The following RASA2 variants were observed in gnomAD, a reference collection of about 807,000 sequenced individuals.
RASA2 encodes ras GTPase-activating protein 2.
Under a neutral mutation model 118.2 loss-of-function variants are expected in RASA2, and 155 were observed. The ratio of observed to expected loss-of-function variants is 1.31; its 90% CI spans 1.15 to 1.50. The LOEUF (loss-of-function observed/expected upper bound fraction) is 1.50. Among genes scored for constraint, RASA2 ranks in the 40% most tolerant of loss-of-function variants. RASA2 has a pLI of 0.00. For synonymous variants in RASA2, 353 were observed against 349.1 expected, an observed-to-expected ratio of 1.01 and a Z score of -0.12; for missense variants, 1,016 against 1,009.6, an observed-to-expected ratio of 1.01 and a Z score of -0.09.
chr3:141,563,608 A>G (rs1322378118), intron 9 of RASA2, among the ~76,000 whole-genome samples: 21 of 152,314 alleles, frequency 1.4e-4, no homozygotes, highest in Admixed American at 1.3e-3. Context: ...TACTTTACTT[A>G]TAATAACTTT....
chr3:141,532,228 C>A (rs868567008), intron 4 of RASA2, among the ~76,000 whole-genome samples: 5 of 152,002 alleles, frequency 3.3e-5, no homozygotes, highest in Admixed American at 6.6e-5. Flanking sequence ...AGTAGTGGAG[C>A]CTTGATTCCA....
intron 5 of RASA2, 114 bp downstream of exon 5, chr3:141,540,723 C>A: frequency 1.6e-5 from 13 of 811,438 alleles, no homozygotes; most frequent in Non-Finnish European, 2.6e-5. Context: ...AAATGAAATT[C>A]TGCTATGTCA....
chr3:141,571,656 CT>C, intron 11 of RASA2, 102 bp downstream of exon 11: 2 of 1,184,116 alleles, frequency 1.7e-6, no homozygotes, highest in Non-Finnish European at 2.4e-6. Flanking sequence ...ATTGATCAGC[CT>C]TACTGTATAG....
chr3:141,544,622 A>G (rs1230683037), intron 5 of RASA2, among the ~76,000 whole-genome samples: 4 of 152,078 alleles, frequency 2.6e-5, no homozygotes, highest in African/African-American at 9.7e-5. Flanking sequence ...ATTCTTCTTT[A>G]TAACTTTTTT....
intron 4 of RASA2, among the ~76,000 whole-genome samples, chr3:141,533,861 A>C (rs1444663296): frequency 6.6e-6 from 1 of 152,096 alleles, no homozygotes; most frequent in Non-Finnish European, 1.5e-5. Context: ...GGTCAGAGAG[A>C]GAGCAGAAAT....
intron 19 of RASA2, among the ~76,000 whole-genome samples, chr3:141,597,855 C>T (rs1445932468): frequency 6.6e-6 from 1 of 151,544 alleles, no homozygotes; most frequent in African/African-American, 2.4e-5. Flanking sequence ...AAATCAAACA[C>T]AAAATTACCA....
Position 141,553,939 on chromosome 3 carries a change from A to G in RASA2, c.610A>G (p.Arg204Gly), listed in dbSNP as rs2082610768. Residue 204 changes from arginine to glycine, a missense_variant and splice_region_variant, in exon 6 of 24, where the codon AGG becomes GGG. Transcript: ENST00000286364. ...YATVSLVGPS[R>G]NDQKKTKVKK... ...AACAGTTTCTCTAGTGGGCCCTTCT[A>G]GGTAATATTTATTGAATTATTATTA... The G allele has an allele frequency of 6.2e-7, 1 of 1,603,430 alleles. No individual in the cohort carries two copies. Among genetic ancestry groups the G allele is most frequent in the Non-Finnish European group, 8.5e-7 (1 of 1,176,074 alleles).
Position 141,487,209 on chromosome 3 carries a change from CA to C in RASA2, c.128del (p.Lys43ArgfsTer17). The C allele has an allele frequency of 7.0e-7, 1 of 1,434,396 alleles. No individual in the cohort carries two copies. The allele number at this position is 1,434,396 out of a possible 1,614,324, so 88.9% of individuals were successfully genotyped here. ...EVRVLQSLRG[K>X]ICEAKNLLPY... ...TTCGAGTGTTGCAGAGCCTGCGGGG[CA>C]AGATCTGTAAGCGGGGGCTGGGCTG... is the stretch of plus-strand genomic sequence containing the variant. On this transcript the variant is annotated frameshift_variant, in exon 1 of 24. Coordinates refer to ENST00000286364, the MANE Select transcript of RASA2 (RefSeq NM_006506.5). LOFTEE classifies it high-confidence loss of function.
Position 141,529,369 on chromosome 3 carries a change from A to T in RASA2, c.356-339A>T, listed in dbSNP as rs376857765. On this transcript the variant is annotated intron_variant, in intron 3 of 23. Transcript: ENST00000286364. ...AAAATTGGGAAGATTAGTTTGCACT[A>T]CCATTGTACCTTGCTTTTTATAATG... Among the ~76,000 whole-genome samples the T allele has an allele frequency of 8.5e-5, 13 of 152,204 alleles. No individual in the cohort carries two copies. In the East Asian group the frequency reaches 1.5e-3, roughly 18 times the overall value.
At chr3:141,576,091 T>C (rs2151133744) in intron 14 of RASA2, among the ~76,000 whole-genome samples, 1 of 152,332 alleles carries the variant, frequency 6.6e-6, no homozygotes, top group East Asian at 1.9e-4. Flanking sequence ...CTTTATGTTT[T>C]TATATACATG....
chr3:141,570,653 T>C (rs751043155), intron 9 of RASA2, among the ~76,000 whole-genome samples: 1 of 152,238 alleles, frequency 6.6e-6, no homozygotes, highest in Admixed American at 6.5e-5. Context: ...CAAACTCTTG[T>C]TCAACTCCTT....
intron 1 of RASA2, among the ~76,000 whole-genome samples, chr3:141,493,783 C>T (rs996079428): frequency 3.3e-5 from 5 of 152,138 alleles, no homozygotes; most frequent in African/African-American, 7.2e-5. Context: ...ATCTTCTAGC[C>T]ATTCCCTCCC....
rs2083703903 is a variant in RASA2 at position 141,614,822 on chromosome 3, GT to G, written c.*2514del. On this transcript the variant is annotated 3_prime_UTR_variant, in exon 24 of 24. Transcript: ENST00000286364. ...ACTATTTTATTTGCCAAAGAAACTT[GT>G]TTTTAATATCACGGGTAATGGGTAA... The G allele has an allele frequency of 6.6e-6, 1 of 152,114 alleles. No individual in the cohort carries two copies. Among genetic ancestry groups the G allele is most frequent in the Non-Finnish European group, 1.5e-5 (1 of 68,006 alleles). The allele number at this position is 152,114 out of a possible 1,614,324, so 9.4% of individuals were successfully genotyped here. A position where few individuals can be genotyped will look rare whatever the true frequency, so the allele number is the denominator to read the frequency against.
chr3:141,544,697 G>T (rs1410299283), intron 5 of RASA2, among the ~76,000 whole-genome samples: 1 of 151,582 alleles, frequency 6.6e-6, no homozygotes, highest in Non-Finnish European at 1.5e-5. Context: ...ATTCATAATT[G>T]TTCATTGCAT....
intron 3 of RASA2, among the ~76,000 whole-genome samples, chr3:141,518,213 G>T (rs562835635): frequency 6.6e-6 from 1 of 151,716 alleles, no homozygotes; most frequent in South Asian, 2.1e-4. Context: ...TTGGCCAGGT[G>T]CAGTGGCTCA....
chr3:141,520,679 C>T (rs1451855846), intron 3 of RASA2, among the ~76,000 whole-genome samples: 1 of 152,022 alleles, frequency 6.6e-6, no homozygotes, highest in Admixed American at 6.6e-5. Flanking sequence ...TATACACATA[C>T]ACTTATATAC....
rs145071983 is a variant in RASA2, at chr3:141,491,159, A to G, written c.133+3943A>G. Among the ~76,000 whole-genome samples, 36 of 152,332 alleles carry G rather than the reference A, an allele frequency of 2.4e-4. No homozygotes were observed. The East Asian group carries it at 6.2e-3, about 26-fold the overall frequency. On this transcript the variant is annotated intron_variant, in intron 1 of 23. Transcript: ENST00000286364. ...TTGAAGCTTACCTTCCGCATCTTTT[A>G]AATGGGAATGATGCTTTTCCACTAT...
intron 1 of RASA2, among the ~76,000 whole-genome samples, chr3:141,493,032 T>C (rs1008434958): frequency 5.9e-5 from 9 of 152,090 alleles, no homozygotes; most frequent in Non-Finnish European, 1.2e-4. Context: ...GTAGAGAAAA[T>C]AAAGGTTCTT....
intron 5 of RASA2, among the ~76,000 whole-genome samples, chr3:141,545,852 ACCCTCACTT>A (rs2082477627): frequency 6.6e-6 from 1 of 151,768 alleles, no homozygotes; most frequent in East Asian, 1.9e-4. Flanking sequence ...ATATTTTTGT[ACCCTCACTT>A]CCCGTCCCAG....
Sources: gnomAD v4.1 joint callset for allele counts (sites outside exome capture counted in the v4.1 genomes callset) on GRCh38, gnomAD v4.1.1 for gene constraint, MANE v1.5 for transcripts, NCBI Gene and HGNC (gene_info 2026-07-23, HGNC 2026-07-21) for gene names.